SLC25A3: variants seen among roughly 807,000 people sequenced by gnomAD.
SLC25A3 encodes the protein phosphate transport protein.
A neutral mutation model predicts 37.1 loss-of-function variants in SLC25A3; 14 were observed. The ratio of observed to expected loss-of-function variants is 0.38; its 90% CI spans 0.25 to 0.59. The LOEUF is 0.59. Among genes scored for constraint, SLC25A3 ranks in the 20% least tolerant of loss-of-function variants. The pLI, the probability that SLC25A3 is intolerant of heterozygous loss-of-function variation, is 0.67. For synonymous variants in SLC25A3, 161 were observed against 168.7 expected (o/e 0.95, Z 0.36); for missense variants, 385 against 458.1 (o/e 0.84, Z 1.46).
intron 3 of SLC25A3, chr12:98,597,629 G>T: frequency 9.8e-6 from 5 of 508,264 alleles, no homozygotes; most frequent in South Asian, 8.3e-5. Context: ...TCACTGTGTT[G>T]CCCAGGCTGG....
rs1441979687 is a variant in SLC25A3 at position 98,602,690 on chromosome 12, T to C, written c.*1162T>C. On this transcript the variant is annotated 3_prime_UTR_variant, in exon 8 of 8. Transcript: ENST00000552981. ...GATTAGGAAGTGTATAAAAGTTCAA[T>C]CTTTTGTAATGACAGCCCACCACTG... 1 of 152,202 alleles carries C rather than the reference T, an allele frequency of 6.6e-6. No homozygotes were observed. Among genetic ancestry groups the C allele is most frequent in the Non-Finnish European group, 1.5e-5 (1 of 68,032 alleles). The allele number at this position is 152,202 out of a possible 1,614,324, so 9.4% of individuals were successfully genotyped here.
chr12:98,600,084 A>C lies in SLC25A3; in HGVS notation c.771A>C (p.Ser257=), dbSNP rs567327473. 6.2e-7 allele frequency: 1 copy of C among 1,614,104 alleles called. No individual in the cohort carries two copies. Among genetic ancestry groups the C allele is most frequent in the East Asian group, 2.2e-5 (1 of 44,882 alleles). Residue 257 remains serine (S), a synonymous_variant, in exon 6 of 8, where the codon TCA becomes TCC. Transcript: ENST00000552981. ...TTCCTAAGCCCCGCAGTGAATGTTC[A>C]AAGCCAGAGCAGCTGGTTGTAACAT... ...FVVPKPRSEC[S]KPEQLVVTFV...
At chr12:98,598,750 G>T in intron 5 of SLC25A3, 47 bp downstream of exon 5, 2 of 1,456,778 alleles carry the variant, frequency 1.4e-6, no homozygotes, top group Non-Finnish European at 1.9e-6. Context: ...CTTATTTTAA[G>T]TGAACTTCAT....
rs764985549 is a variant in SLC25A3 at position 98,595,634 on chromosome 12, G to C, written c.158-93G>C. On this transcript the variant is annotated intron_variant, in intron 2 of 7. Transcript: ENST00000552981. ...GTTATAAGATATAGTCATCTAACAAGCTGTGTGGAAACCTAACTGTCCAGG... is the reference window on the plus strand; with the variant it reads ...GTTATAAGATATAGTCATCTAACAACCTGTGTGGAAACCTAACTGTCCAGG... 63 of 1,612,734 alleles carry C rather than the reference G, an allele frequency of 3.9e-5. 1 individual carries two copies. The highest frequency in any genetic ancestry group is 5.9e-6 in the Non-Finnish European group (7 of 1,178,852).
At position 98,601,480 on chromosome 12, in the gene SLC25A3, A is replaced by C. The variant is rs1592980770; in HGVS notation, c.1038A>C (p.Pro346=). Residue 346 remains proline, a synonymous_variant, in exon 8 of 8, where the codon CCA becomes CCC. Coordinates refer to ENST00000552981, the MANE Select transcript of SLC25A3 (RefSeq NM_002635.4). ...KVYFRLPRPP[P]PEMPESLKKK... Reference sequence around the variant, plus strand: ...ACTTCAGACTTCCTCGCCCTCCTCCACCCGAGATGCCAGAGTCTCTGAAGA... The same window carrying C: ...ACTTCAGACTTCCTCGCCCTCCTCCCCCCGAGATGCCAGAGTCTCTGAAGA... 6.2e-7 allele frequency: 1 copy of C among 1,614,006 alleles called. No homozygotes were observed. Among genetic ancestry groups the C allele is most frequent in the South Asian group, 1.1e-5 (1 of 91,080 alleles).
intron 2 of SLC25A3, chr12:98,594,477 C>T (rs1201490810): frequency 4.7e-6 from 3 of 643,004 alleles, no homozygotes; most frequent in Admixed American, 2.3e-5. Context: ...AACTACTGAC[C>T]ACCCACAGTT....
At chr12:98,599,125 T>C (rs888099015) in intron 5 of SLC25A3, among the ~76,000 whole-genome samples, 18 of 148,286 alleles carry the variant, frequency 1.2e-4, no homozygotes, top group African/African-American at 4.5e-4. Flanking sequence ...GCAATGGCAC[T>C]ATCTCAGCTC....
chr12:98,594,584 TTTGCACTTAA>T, intron 2 of SLC25A3: 1 of 570,934 alleles, frequency 1.8e-6, no homozygotes, highest in Admixed American at 3.0e-5. Flanking sequence ...GTCAGTCATT[TTTGCACTTAA>T]TTGTATATGA....
At chr12:98,599,663 G>A (rs1490129616) in intron 5 of SLC25A3, 1 of 587,270 alleles carries the variant, frequency 1.7e-6, no homozygotes, top group African/African-American at 1.8e-5. Context: ...CACCTTTGTG[G>A]ATGAATCTTG....
Position 98,604,787 on chromosome 12 carries a change from A to G in SLC25A3, c.*3259A>G, listed in dbSNP as rs1422155306. On this transcript the variant is annotated 3_prime_UTR_variant, in exon 8 of 8. Transcript: ENST00000552981. ...TTTCGACCATATTTTATTTTTGAGAAGGTCTTGCTCTGTCGCCAGACTGGA... is the reference window on the plus strand; with the variant it reads ...TTTCGACCATATTTTATTTTTGAGAGGGTCTTGCTCTGTCGCCAGACTGGA... The G allele has an allele frequency of 6.6e-6, 1 of 152,086 alleles. No individual in the cohort carries two copies. Among genetic ancestry groups the G allele is most frequent in the Non-Finnish European group, 1.5e-5 (1 of 68,088 alleles). 9.4% of individuals were successfully genotyped at this position (152,086 alleles called of 1,614,324 possible).
intron 2 of SLC25A3, chr12:98,594,493 A>T: frequency 3.2e-6 from 2 of 626,400 alleles, no homozygotes; most frequent in Non-Finnish European, 2.9e-6. Context: ...CAGTTCTACT[A>T]ACTATATTAC....
intron 2 of SLC25A3, chr12:98,595,526 T>C (rs2097592254): frequency 6.2e-7 from 1 of 1,614,086 alleles, no homozygotes; most frequent in East Asian, 2.2e-5. Context: ...ACAGCATTGG[T>C]TCCTCTAGAT....
chr12:98,594,506 G>C, intron 2 of SLC25A3: 1 of 603,228 alleles, frequency 1.7e-6, no homozygotes, highest in Admixed American at 2.9e-5. Context: ...TATATTACCT[G>C]TCCTTTGATT....
intron 3 of SLC25A3, 116 bp from the exon 4 acceptor site, chr12:98,597,740 C>A: frequency 2.8e-6 from 4 of 1,439,050 alleles, no homozygotes; most frequent in Non-Finnish European, 2.8e-6. Context: ...ACTGTAGTTA[C>A]CTTTTGTGTA....
At chr12:98,595,661 G>A in intron 2 of SLC25A3, 66 bp from the exon 3 acceptor site, 1 of 1,613,908 alleles carries the variant, frequency 6.2e-7, no homozygotes. Context: ...CTGTCCAGGA[G>A]GTAAGTTTAT....
rs191525975 is a variant in SLC25A3, at chr12:98,597,670, T to G, written c.280-186T>G. On this transcript the variant is annotated intron_variant, in intron 3 of 7. Transcript: ENST00000552981. ...AACTCCTGAGCTCAGGTAATCCACCTGCCTCAGCCTCCCAAAGTGCTGGGA... is the reference window on the plus strand; with the variant it reads ...AACTCCTGAGCTCAGGTAATCCACCGGCCTCAGCCTCCCAAAGTGCTGGGA... The G allele has an allele frequency of 1.3e-3, 948 of 703,740 alleles. 10 individuals carry two copies. The highest frequency in any genetic ancestry group is 4.3e-4 in the Non-Finnish European group (189 of 444,030). The allele number at this position is 703,740 out of a possible 1,614,324, so 43.6% of individuals were successfully genotyped here.
chr12:98,594,377 G>C (rs1244338776), intron 2 of SLC25A3: 1 of 701,028 alleles, frequency 1.4e-6, no homozygotes, highest in African/African-American at 1.7e-5. Flanking sequence ...ACCTCCGTGT[G>C]CCCGAGGGAA....
chr12:98,598,396 A>G (rs1703036497), intron 4 of SLC25A3, 126 bp from the exon 5 acceptor site: 3 of 1,424,394 alleles, frequency 2.1e-6, no homozygotes, highest in Admixed American at 1.9e-5. Context: ...GACCACATAT[A>G]TATTCCATAT....
At chr12:98,593,897 C>G in intron 1 of SLC25A3, 78 bp from the exon 2 acceptor site, 1 of 1,556,140 alleles carries the variant, frequency 6.4e-7, no homozygotes, top group Non-Finnish European at 8.8e-7. Context: ...GGAAAAGGCC[C>G]CGGTTGGGGT....
Sources: gnomAD v4.1 joint callset for allele counts (sites outside exome capture counted in the v4.1 genomes callset) on GRCh38, gnomAD v4.1.1 for gene constraint, MANE v1.5 for transcripts, NCBI Gene and HGNC (gene_info 2026-07-23, HGNC 2026-07-21) for gene names.